Variants in AGBL1 observed in about 807,000 individuals in gnomAD.
AGBL1 encodes the protein cytosolic carboxypeptidase 4.
A neutral mutation model predicts 118.9 loss-of-function variants in AGBL1; 130 were observed. That is an observed-to-expected ratio of 1.09 (90% CI 0.95 to 1.26). The LOEUF (loss-of-function observed/expected upper bound fraction) is 1.26, where lower values mean the gene tolerates loss of function less well. AGBL1 is among the 50% of genes most tolerant of loss of function. The pLI is 0.00. For missense variants in AGBL1, 1,584 were observed against 1,298.1 expected (o/e 1.22, Z -3.38); for synonymous variants, 555 against 478.9 (o/e 1.16, Z -2.08).
intron 22 of AGBL1, among the ~76,000 whole-genome samples, chr15:86,864,308 T>C (rs1377562367): frequency 6.6e-6 from 1 of 152,202 alleles, no homozygotes; most frequent in African/African-American, 2.4e-5. Flanking sequence ...CTAACTTGCA[T>C]TGACTCATAG....
intron 5 of AGBL1, among the ~76,000 whole-genome samples, chr15:86,211,372 G>C (rs187637075): frequency 6.6e-6 from 1 of 152,222 alleles, no homozygotes; most frequent in Non-Finnish European, 1.5e-5. Flanking sequence ...TCTCTTCAGA[G>C]CTGTCAGACA....
chr15:86,700,587 T>C (rs999951541), intron 22 of AGBL1, among the ~76,000 whole-genome samples: 52 of 152,004 alleles, frequency 3.4e-4, no homozygotes, highest in African/African-American at 1.2e-3. Context: ...TTAGAAAAGA[T>C]ATAGAGCATT....
intron 20 of AGBL1, among the ~76,000 whole-genome samples, chr15:86,546,440 C>A (rs1312836433): frequency 6.6e-6 from 1 of 151,988 alleles, no homozygotes; most frequent in East Asian, 1.9e-4. Flanking sequence ...TACAATTATT[C>A]GATTATTAAC....
At chr15:86,723,306 C>G (rs1420087756) in intron 22 of AGBL1, among the ~76,000 whole-genome samples, 1 of 152,130 alleles carries the variant, frequency 6.6e-6, no homozygotes, top group African/African-American at 2.4e-5. Context: ...ACATATACAC[C>G]ATGGAATAGT....
intron 24 of AGBL1, among the ~76,000 whole-genome samples, chr15:86,999,226 AT>A (rs1159793361): frequency 2.7e-5 from 4 of 149,926 alleles, no homozygotes; most frequent in African/African-American, 7.4e-5. Flanking sequence ...TTATATATAT[AT>A]TTTTTATTAT....
chr15:86,736,832 C>T lies in AGBL1; in HGVS notation c.3158+62396C>T, dbSNP rs539328260. Among the ~76,000 whole-genome samples the T allele has an allele frequency of 7.9e-5, 12 of 152,118 alleles. 1 individual carries two copies. The South Asian group carries it at 1.7e-3, about 21-fold the overall frequency. The stretch of plus-strand genomic sequence containing the variant: ...CCCTTTGAACATTTTTAGCTCCCTT[C>T]AGCCTCTTATTTTTTTCTCTCTAAA... On this transcript the variant is annotated intron_variant, in intron 22 of 22. Coordinates refer to ENST00000614907, the MANE Select transcript of AGBL1 (RefSeq NM_001386094.1).
intron 17 of AGBL1, among the ~76,000 whole-genome samples, chr15:86,332,261 C>T (rs531431733): frequency 1.3e-5 from 2 of 152,250 alleles, no homozygotes; most frequent in Admixed American, 6.5e-5. Context: ...ATAAGTACTT[C>T]TGAACCTATG....
chr15:86,274,435 T>G (rs1016147010), intron 15 of AGBL1, among the ~76,000 whole-genome samples: 1 of 152,198 alleles, frequency 6.6e-6, no homozygotes, highest in Non-Finnish European at 1.5e-5. Context: ...ATAGATGGCT[T>G]CTAAGAAGAT....
intron 22 of AGBL1, among the ~76,000 whole-genome samples, chr15:86,884,934 C>T (rs7170727): frequency 0.29 from 43,702 of 152,088 alleles, 7,066 homozygotes; most frequent in East Asian, 0.43. Flanking sequence ...GTGCATTGTG[C>T]TTCTTCTCAT....
intron 22 of AGBL1, among the ~76,000 whole-genome samples, chr15:86,702,527 C>T (rs977096928): frequency 6.6e-6 from 1 of 152,060 alleles, no homozygotes; most frequent in Non-Finnish European, 1.5e-5. Context: ...TTGACTCCTC[C>T]TTTCCCATCC....
At chr15:86,703,840 C>A (rs1434790205) in intron 22 of AGBL1, among the ~76,000 whole-genome samples, 1 of 151,690 alleles carries the variant, frequency 6.6e-6, no homozygotes, top group Non-Finnish European at 1.5e-5. Flanking sequence ...AATTAAATCT[C>A]TTTTTTTTAG....
At chr15:86,850,765 A>C (rs966975170) in intron 22 of AGBL1, among the ~76,000 whole-genome samples, 1 of 152,232 alleles carries the variant, frequency 6.6e-6, no homozygotes, top group Non-Finnish European at 1.5e-5. Flanking sequence ...AATACTTGTC[A>C]TATAGCAAGT....
chr15:86,254,814 A>C (rs547546924), intron 7 of AGBL1, among the ~76,000 whole-genome samples: 3 of 152,194 alleles, frequency 2.0e-5, no homozygotes, highest in Admixed American at 6.5e-5. Flanking sequence ...CATCAGCATG[A>C]GGGAAATGTT....
intron 18 of AGBL1, among the ~76,000 whole-genome samples, chr15:86,506,721 G>C (rs1222918581): frequency 1.3e-5 from 2 of 151,964 alleles, no homozygotes; most frequent in Admixed American, 1.3e-4. Context: ...TGATAATTGT[G>C]GTTACCCAAT....
intron 16 of AGBL1, among the ~76,000 whole-genome samples, chr15:86,293,798 A>C (rs2079587642): frequency 6.6e-6 from 1 of 152,166 alleles, no homozygotes; most frequent in African/African-American, 2.4e-5. Flanking sequence ...TTTTATTAAA[A>C]AATTCATGAG....
chr15:86,158,299 T>A (rs2077219911), intron 4 of AGBL1, among the ~76,000 whole-genome samples: 1 of 152,218 alleles, frequency 6.6e-6, no homozygotes, highest in African/African-American at 2.4e-5. Context: ...CAATTCAGTA[T>A]CATCCACCCT....
chr15:86,340,428 C>T (rs77966012), intron 17 of AGBL1, among the ~76,000 whole-genome samples: 5,488 of 152,152 alleles, frequency 0.036, 174 homozygotes, highest in African/African-American at 0.088. Flanking sequence ...AAATCCATGA[C>T]TTGTGTCCTT....
At chr15:86,663,049 C>G (rs1023039760) in intron 21 of AGBL1, among the ~76,000 whole-genome samples, 1 of 152,140 alleles carries the variant, frequency 6.6e-6, no homozygotes, top group Non-Finnish European at 1.5e-5. Flanking sequence ...ATTGATATTC[C>G]ACTGATTTTC....
intron 18 of AGBL1, among the ~76,000 whole-genome samples, chr15:86,410,103 A>G (rs559526732): frequency 7.2e-5 from 11 of 152,316 alleles, no homozygotes; most frequent in Admixed American, 5.9e-4. Flanking sequence ...TCATGTATTT[A>G]GGGATGGATG....
Sources: allele counts gnomAD v4.1 joint callset (sites outside exome capture counted in the v4.1 genomes callset), GRCh38; gene constraint gnomAD v4.1.1; transcripts MANE v1.5; gene names NCBI Gene and HGNC (gene_info 2026-07-23, HGNC 2026-07-21).